The following PACRG variants were observed in gnomAD, a reference collection of about 807,000 sequenced individuals.
PACRG encodes the protein parkin coregulated.
A neutral mutation model predicts 29.7 loss-of-function variants in PACRG; 29 were observed. That is an observed-to-expected ratio of 0.98 (90% CI 0.73 to 1.33). PACRG has a LOEUF of 1.33. PACRG is among the 40% of genes most tolerant of loss of function. The pLI, the probability that PACRG is intolerant of heterozygous loss-of-function variation, is 0.00. For synonymous variants in PACRG, 116 were observed against 118.7 expected (o/e 0.98, Z 0.15); for missense variants, 279 against 316.2 (o/e 0.88, Z 0.89).
chr6:162,797,248 A>G (rs1308588167), intron 1 of PACRG, among the ~76,000 whole-genome samples: 1 of 152,248 alleles, frequency 6.6e-6, no homozygotes, highest in Non-Finnish European at 1.5e-5. Context: ...GCACTGGGTG[A>G]CAGAGCAAGA....
chr6:162,938,522 G>A, intron 2 of PACRG, among the ~76,000 whole-genome samples: 1 of 152,222 alleles, frequency 6.6e-6, no homozygotes, highest in Non-Finnish European at 1.5e-5. Context: ...CACCAGTAGT[G>A]GGATTGCTGG....
intron 4 of PACRG, among the ~76,000 whole-genome samples, chr6:163,280,098 C>T (rs1418927451): frequency 2.0e-5 from 3 of 152,218 alleles, no homozygotes. Context: ...CACCAAGCGT[C>T]TCTGCTCCAC....
At chr6:162,947,190 A>G (rs1259103069) in intron 2 of PACRG, among the ~76,000 whole-genome samples, 1 of 149,802 alleles carries the variant, frequency 6.7e-6, no homozygotes, top group Non-Finnish European at 1.5e-5. Flanking sequence ...CTCTTTCCAG[A>G]TGACATGTAT....
chr6:162,849,447 G>C (rs988574887), intron 2 of PACRG, among the ~76,000 whole-genome samples: 1 of 152,204 alleles, frequency 6.6e-6, no homozygotes, highest in Non-Finnish European at 1.5e-5. Flanking sequence ...AGAAAGTCAC[G>C]TGCAGTGCAG....
chr6:163,290,561 T>A (rs1273078794), intron 4 of PACRG, among the ~76,000 whole-genome samples: 1 of 152,176 alleles, frequency 6.6e-6, no homozygotes, highest in African/African-American at 2.4e-5. Context: ...CACTTACTCC[T>A]GGGAACCTGG....
At chr6:163,125,505 G>C (rs2128326929) in intron 4 of PACRG, among the ~76,000 whole-genome samples, 1 of 152,260 alleles carries the variant, frequency 6.6e-6, no homozygotes, top group East Asian at 1.9e-4. Context: ...ACATGCAACA[G>C]TAAAGGCTTA....
At chr6:162,900,360 C>T (rs907369885) in intron 2 of PACRG, among the ~76,000 whole-genome samples, 1 of 152,170 alleles carries the variant, frequency 6.6e-6, no homozygotes, top group African/African-American at 2.4e-5. Context: ...CTCACTTCTT[C>T]AACCTGTGAT....
chr6:163,296,777 A>C (rs1784792833), intron 4 of PACRG, among the ~76,000 whole-genome samples: 1 of 152,242 alleles, frequency 6.6e-6, no homozygotes, highest in Non-Finnish European at 1.5e-5. Context: ...AGACAGGGCA[A>C]TAATTAGACC....
chr6:163,162,747 G>T (rs1320927159), intron 4 of PACRG, among the ~76,000 whole-genome samples: 1 of 152,246 alleles, frequency 6.6e-6, no homozygotes, highest in Non-Finnish European at 1.5e-5. Context: ...TAGGGCTGCA[G>T]CCAGGGTGAG....
intron 4 of PACRG, among the ~76,000 whole-genome samples, chr6:163,299,759 G>A (rs1379762776): frequency 1.3e-5 from 2 of 152,108 alleles, no homozygotes; most frequent in South Asian, 2.1e-4. Context: ...CGTGCCTGTA[G>A]TCCCAGCTAC....
intron 4 of PACRG, among the ~76,000 whole-genome samples, chr6:163,098,654 A>G (rs1398739425): frequency 1.3e-5 from 2 of 152,198 alleles, no homozygotes; most frequent in Non-Finnish European, 2.9e-5. Context: ...CTTGGATCTC[A>G]CGCAAGACAG....
chr6:163,043,657 G>T (rs1162527139), intron 2 of PACRG, among the ~76,000 whole-genome samples: 1 of 152,192 alleles, frequency 6.6e-6, no homozygotes, highest in East Asian at 1.9e-4. Flanking sequence ...AATGACAGGA[G>T]AAGGAATTAT....
chr6:162,753,750 C>T (rs1398204608), intron 1 of PACRG, among the ~76,000 whole-genome samples: 1 of 152,176 alleles, frequency 6.6e-6, no homozygotes. Flanking sequence ...CTCTCTGTCT[C>T]TTTCCTGCCA....
chr6:162,831,569 A>G (rs1158659783), intron 2 of PACRG, among the ~76,000 whole-genome samples: 7 of 152,150 alleles, frequency 4.6e-5, no homozygotes. Flanking sequence ...AATGTGTGCC[A>G]TGGTGGTTTG....
chr6:163,150,557 G>A (rs1341245551), intron 4 of PACRG, among the ~76,000 whole-genome samples: 2 of 152,040 alleles, frequency 1.3e-5, no homozygotes, highest in African/African-American at 2.4e-5. Context: ...GGAGTTTAAA[G>A]TCAATTCAAT....
intron 4 of PACRG, among the ~76,000 whole-genome samples, chr6:163,257,923 T>C (rs1440259088): frequency 1.3e-5 from 2 of 152,218 alleles, no homozygotes; most frequent in Admixed American, 1.3e-4. Context: ...TCTAGTACTT[T>C]ATTGAATCAT....
At chr6:163,144,810 T>C (rs922456623) in intron 4 of PACRG, among the ~76,000 whole-genome samples, 1 of 152,148 alleles carries the variant, frequency 6.6e-6, no homozygotes, top group African/African-American at 2.4e-5. Flanking sequence ...CATTTTTCTC[T>C]CTGCATCCCT....
At chr6:163,122,634 A>G (rs1372990719) in intron 4 of PACRG, among the ~76,000 whole-genome samples, 2 of 152,192 alleles carry the variant, frequency 1.3e-5, no homozygotes, top group Admixed American at 1.3e-4. Context: ...CAGCCCCAGA[A>G]GTAGACACTG....
chr6:162,838,063 G>A (rs1264894098), intron 2 of PACRG, among the ~76,000 whole-genome samples: 1 of 152,120 alleles, frequency 6.6e-6, no homozygotes, highest in Non-Finnish European at 1.5e-5. Context: ...AGGAACCAGT[G>A]TTAATGTTTT....
Sources: gnomAD v4.1 joint callset for allele counts (sites outside exome capture counted in the v4.1 genomes callset) on GRCh38, gnomAD v4.1.1 for gene constraint, MANE v1.5 for transcripts, NCBI Gene and HGNC (gene_info 2026-07-23, HGNC 2026-07-21) for gene names.